TXNDC16: variants seen among roughly 807,000 people sequenced by gnomAD.
The protein encoded by TXNDC16 is thioredoxin domain containing 16.
TXNDC16 carries 74 observed loss-of-function variants against 85.6 expected under a neutral mutation model. The observed-to-expected ratio is 0.86, with a 90% CI of 0.72 to 1.05. The LOEUF (loss-of-function observed/expected upper bound fraction) is 1.05, where lower values mean the gene tolerates loss of function less well. TXNDC16 is among the 50% of genes least tolerant of loss of function. The pLI is 0.00. For synonymous variants in TXNDC16, 335 were observed against 326.5 expected (o/e 1.03, Z -0.28); for missense variants, 959 against 947.0 (o/e 1.01, Z -0.17).
At chr14:52,470,701 C>G (rs779654659) in intron 14 of TXNDC16, 21 bp from the exon 15 acceptor site, 2 of 1,577,700 alleles carry the variant, frequency 1.3e-6, no homozygotes, top group African/African-American at 2.7e-5. Flanking sequence ...GGAAAATGCA[C>G]ATTTGTAATT....
intron 18 of TXNDC16, among the ~76,000 whole-genome samples, chr14:52,451,528 G>A (rs542006388): frequency 7.9e-5 from 12 of 152,122 alleles, no homozygotes; most frequent in South Asian, 6.2e-4. Flanking sequence ...CCAAGGATGC[G>A]AGGATGGTTC....
chr14:52,531,147 C>G (rs1029522756), intron 6 of TXNDC16, among the ~76,000 whole-genome samples: 1 of 152,026 alleles, frequency 6.6e-6, no homozygotes, highest in African/African-American at 2.4e-5. Context: ...ACCTATTATG[C>G]TAGCTAAAAT....
chr14:52,454,357 C>T (rs1255020677), intron 18 of TXNDC16, among the ~76,000 whole-genome samples: 2 of 147,860 alleles, frequency 1.4e-5, no homozygotes, highest in South Asian at 2.2e-4. Context: ...GACCGGCAGG[C>T]GGAGGTTGCA....
chr14:52,472,219 T>A (rs1341443702), intron 14 of TXNDC16, among the ~76,000 whole-genome samples: 1 of 151,574 alleles, frequency 6.6e-6, no homozygotes, highest in Non-Finnish European at 1.5e-5. Context: ...ATATTTGAGA[T>A]GTAGTCTTGC....
At chr14:52,543,970 T>C (rs2037889241) in intron 2 of TXNDC16, among the ~76,000 whole-genome samples, 1 of 152,136 alleles carries the variant, frequency 6.6e-6, no homozygotes, top group South Asian at 2.1e-4. Flanking sequence ...TACCTATAGT[T>C]GATTATAAGA....
intron 8 of TXNDC16, among the ~76,000 whole-genome samples, chr14:52,513,382 CA>C (rs2037001595): frequency 6.6e-6 from 1 of 152,110 alleles, no homozygotes; most frequent in African/African-American, 2.4e-5. Context: ...CTACTTTATC[CA>C]AAAGTGATAT....
At chr14:52,529,556 TATA>T (rs1346419814) in intron 6 of TXNDC16, among the ~76,000 whole-genome samples, 1 of 99,904 alleles carries the variant, frequency 1.0e-5, no homozygotes, top group African/African-American at 4.3e-5. Context: ...ATATAATATA[TATA>T]ATGCCTATTA....
intron 6 of TXNDC16, among the ~76,000 whole-genome samples, chr14:52,520,303 T>C (rs2037179387): frequency 6.6e-6 from 1 of 152,234 alleles, no homozygotes; most frequent in South Asian, 2.1e-4. Flanking sequence ...TCATATTTAT[T>C]CATCCAAAAT....
At chr14:52,460,581 A>G (rs1327595265) in intron 16 of TXNDC16, among the ~76,000 whole-genome samples, 1 of 152,196 alleles carries the variant, frequency 6.6e-6, no homozygotes, top group Non-Finnish European at 1.5e-5. Context: ...GAGGTCAAAA[A>G]GACTTAATTT....
chr14:52,502,660 T>A (rs1338692201), intron 9 of TXNDC16, among the ~76,000 whole-genome samples: 1 of 152,152 alleles, frequency 6.6e-6, no homozygotes. Flanking sequence ...AGGCAGAAGA[T>A]GAATGATTTC....
At chr14:52,468,311 G>C (rs887949278) in intron 16 of TXNDC16, among the ~76,000 whole-genome samples, 2 of 151,968 alleles carry the variant, frequency 1.3e-5, no homozygotes, top group Non-Finnish European at 2.9e-5. Context: ...ATTAAAATAG[G>C]AAAATATTGT....
chr14:52,505,107 C>T (rs2036762827), intron 9 of TXNDC16, among the ~76,000 whole-genome samples: 2 of 152,172 alleles, frequency 1.3e-5, no homozygotes, highest in African/African-American at 4.8e-5. Context: ...CTTAGACTCA[C>T]ACACAATAAT....
chr14:52,433,571 CAT>C (rs1319601567), intron 20 of TXNDC16, among the ~76,000 whole-genome samples: 3 of 152,078 alleles, frequency 2.0e-5, no homozygotes, highest in Non-Finnish European at 4.4e-5. Flanking sequence ...TTAGAAAAAA[CAT>C]ATATATTGCA....
chr14:52,435,797 C>T (rs547551713), intron 20 of TXNDC16, among the ~76,000 whole-genome samples: 1 of 151,494 alleles, frequency 6.6e-6, no homozygotes, highest in African/African-American at 2.4e-5. Context: ...CCTGTCTCTA[C>T]AAAAACAAAA....
chr14:52,437,331 A>G (rs987310553), intron 20 of TXNDC16, among the ~76,000 whole-genome samples: 5 of 152,204 alleles, frequency 3.3e-5, no homozygotes, highest in African/African-American at 1.2e-4. Context: ...CACCTGTTAG[A>G]ACTAATCAAC....
chr14:52,519,016 A>G (rs2037147646), intron 7 of TXNDC16, among the ~76,000 whole-genome samples, 156 bp downstream of exon 7: 1 of 152,208 alleles, frequency 6.6e-6, no homozygotes, highest in South Asian at 2.1e-4. Context: ...CCACTGTATT[A>G]CGCTGCCCAT....
At chr14:52,514,760 C>T in intron 8 of TXNDC16, 120 bp downstream of exon 8, 1 of 681,944 alleles carries the variant, frequency 1.5e-6, no homozygotes, top group South Asian at 2.0e-5. Context: ...TTCACATCTG[C>T]TATGGTTCCT....
intron 6 of TXNDC16, among the ~76,000 whole-genome samples, chr14:52,530,903 G>A (rs2037560122): frequency 6.6e-6 from 1 of 151,360 alleles, no homozygotes. Context: ...GAAAAGACAA[G>A]CAACAAACTG....
In TXNDC16 at chr14:52,521,079, A is replaced by C. The variant is rs551727802; in HGVS notation, c.393-1786T>G. The stretch of plus-strand genomic sequence containing the variant: ...TTTATTTAAAAAAAAACTATAATTT[A>C]TAAAACCAAAGGAAAACTTAGTGAG... On this transcript the variant is annotated intron_variant, in intron 6 of 20. Coordinates refer to ENST00000281741, the MANE Select transcript of TXNDC16 (RefSeq NM_020784.3). Among the ~76,000 whole-genome samples, 206 of 152,164 alleles carry C rather than the reference A, an allele frequency of 1.4e-3. 1 individual carries two copies. The highest frequency in any genetic ancestry group is 4.9e-3 in the African/African-American group (204 of 41,570).
Sources: gnomAD v4.1 joint callset for allele counts (sites outside exome capture counted in the v4.1 genomes callset) on GRCh38, gnomAD v4.1.1 for gene constraint, MANE v1.5 for transcripts, NCBI Gene and HGNC (gene_info 2026-07-23, HGNC 2026-07-21) for gene names.